Variants in KDM5B observed in about 807,000 individuals in gnomAD.
The protein encoded by KDM5B is lysine-specific demethylase 5B.
Under a neutral mutation model 193.4 loss-of-function variants are expected in KDM5B, and 144 were observed. The observed-to-expected ratio is 0.74, with a 90% confidence interval of 0.65 to 0.86. The LOEUF (loss-of-function observed/expected upper bound fraction) is 0.86. Ranked by LOEUF, KDM5B falls within the 40% of genes least tolerant of loss-of-function variation. The pLI is 0.00. For synonymous variants in KDM5B, 668 were observed against 682.6 expected (o/e 0.98, Z 0.33); for missense variants, 1,833 against 1,886.9 (o/e 0.97, Z 0.53).
intron 4 of KDM5B, among the ~76,000 whole-genome samples, chr1:202,771,713 C>T (rs1348496708): frequency 2.0e-5 from 3 of 152,124 alleles, no homozygotes; most frequent in Non-Finnish European, 4.4e-5. Context: ...TCCCAAGTAG[C>T]TGGGACTACA....
chr1:202,766,248 G>C (rs138524867), intron 5 of KDM5B: 1 of 221,990 alleles, frequency 4.5e-6, no homozygotes, highest in African/African-American at 2.4e-5. Context: ...GCTCACGCCT[G>C]TAATCCCAGC....
chr1:202,762,259 C>G (rs1480147848), intron 7 of KDM5B, among the ~76,000 whole-genome samples: 1 of 151,990 alleles, frequency 6.6e-6, no homozygotes, highest in Admixed American at 6.6e-5. Flanking sequence ...CCTCTTCCTT[C>G]TTCCTTTCTC....
chr1:202,782,863 C>T (rs1002273981), intron 1 of KDM5B, among the ~76,000 whole-genome samples: 3 of 152,170 alleles, frequency 2.0e-5, no homozygotes, highest in Non-Finnish European at 4.4e-5. Flanking sequence ...ATTTCCTTTA[C>T]TTTCAAAACT....
chr1:202,770,781 G>A (rs1349947014), intron 4 of KDM5B, among the ~76,000 whole-genome samples: 1 of 152,186 alleles, frequency 6.6e-6, no homozygotes, highest in Non-Finnish European at 1.5e-5. Flanking sequence ...CAGGTGGAAG[G>A]ATCAGGAGTG....
chr1:202,772,384 G>A (rs1387753439), intron 4 of KDM5B, among the ~76,000 whole-genome samples: 2 of 152,194 alleles, frequency 1.3e-5, no homozygotes, highest in Non-Finnish European at 2.9e-5. Flanking sequence ...CGTTAGCTAT[G>A]TAGCATTATA....
intron 13 of KDM5B, 22 bp from the exon 14 acceptor site, chr1:202,749,161 A>G (rs1655692681): frequency 2.5e-6 from 4 of 1,589,570 alleles, no homozygotes; most frequent in Admixed American, 3.6e-5. Context: ...CACGGAAAGA[A>G]AAAAATAACA....
chr1:202,745,114 GCATACAGGGGAGTAACACGTGAACA>G (rs1399943628), intron 16 of KDM5B, among the ~76,000 whole-genome samples: 1 of 152,082 alleles, frequency 6.6e-6, no homozygotes, highest in African/African-American at 2.4e-5. Flanking sequence ...ACACATGGAT[GCATACAGGGGAGTAACACGTGAACA>G]CATACAGGGG....
At chr1:202,802,242 T>C (rs962927036) in intron 1 of KDM5B, among the ~76,000 whole-genome samples, 1 of 152,174 alleles carries the variant, frequency 6.6e-6, no homozygotes, top group Non-Finnish European at 1.5e-5. Flanking sequence ...CTTTCCCTTA[T>C]CCTTTTCTAC....
chr1:202,808,055 TCCCTCCCCCAGC>T, intron 1 of KDM5B, 35 bp downstream of exon 1: 1 of 1,588,010 alleles, frequency 6.3e-7, no homozygotes, highest in East Asian at 2.3e-5. Context: ...GCGTCCCCGC[TCCCTCCCCCAGC>T]CACGAGCTGG....
intron 13 of KDM5B, among the ~76,000 whole-genome samples, chr1:202,749,414 GGGT>G (rs1456198337): frequency 1.3e-5 from 2 of 152,064 alleles, no homozygotes; most frequent in Non-Finnish European, 2.9e-5. Context: ...AACATTAGTC[GGGT>G]GTGGCGGTGC....
chr1:202,765,576 G>A (rs1235359220), intron 5 of KDM5B, among the ~76,000 whole-genome samples: 1 of 152,136 alleles, frequency 6.6e-6, no homozygotes, highest in Non-Finnish European at 1.5e-5. Flanking sequence ...AGAAAGAACT[G>A]ATTCATAGAT....
At chr1:202,779,782 G>A (rs1657118709) in intron 1 of KDM5B, among the ~76,000 whole-genome samples, 1 of 150,072 alleles carries the variant, frequency 6.7e-6, no homozygotes, top group South Asian at 2.1e-4. Flanking sequence ...CAGCCTGGGC[G>A]ACAGAGTCAG....
intron 1 of KDM5B, among the ~76,000 whole-genome samples, chr1:202,807,828 C>T (rs1384445352): frequency 1.3e-5 from 2 of 151,970 alleles, no homozygotes; most frequent in African/African-American, 4.8e-5. Flanking sequence ...CGAACCCGAA[C>T]CTCCGCACCC....
chr1:202,729,619 A>C, intron 26 of KDM5B, 88 bp downstream of exon 26: 1 of 1,112,724 alleles, frequency 9.0e-7, no homozygotes, highest in Non-Finnish European at 1.3e-6. Flanking sequence ...AGATAAGCAG[A>C]GGAGAAAGAC....
intron 1 of KDM5B, among the ~76,000 whole-genome samples, chr1:202,781,294 T>C (rs1194030474): frequency 6.6e-6 from 1 of 152,180 alleles, no homozygotes; most frequent in Non-Finnish European, 1.5e-5. Flanking sequence ...AGCACGAACC[T>C]AGCTCTAAAA....
Position 202,745,862 on chromosome 1 carries a change from C to T in KDM5B, c.2319G>A (p.Lys773=). The T allele has an allele frequency of 1.2e-6, 2 of 1,613,956 alleles. No homozygotes were observed. The highest frequency in any genetic ancestry group is 1.7e-6 in the Non-Finnish European group (2 of 1,179,880). ...NEALEAKINK[K]KSLVSFKALI... Reference sequence around the variant, plus strand: ...GTCACTTTCTGTATCACATACTTTTCTTCTTGTTGATCTTTGCCTCCAAAG... The same window carrying T: ...GTCACTTTCTGTATCACATACTTTTTTTCTTGTTGATCTTTGCCTCCAAAG... The change falls in exon 16 of 27, where the codon AAG becomes AAA. Residue 773 remains lysine, a synonymous_variant. Coordinates refer to ENST00000367265, the MANE Select transcript of KDM5B (RefSeq NM_006618.5).
intron 1 of KDM5B, among the ~76,000 whole-genome samples, chr1:202,787,821 T>C (rs1572769124): frequency 6.8e-6 from 1 of 146,514 alleles, no homozygotes; most frequent in Non-Finnish European, 1.5e-5. Flanking sequence ...ACCCGGGAGG[T>C]GGAGGTTGCA....
chr1:202,758,613 T>C, intron 8 of KDM5B, 103 bp from the exon 9 acceptor site: 1 of 934,034 alleles, frequency 1.1e-6, no homozygotes, highest in South Asian at 2.6e-5. Context: ...AATTTGTTTA[T>C]TTTACTTCTA....
At chr1:202,729,386 G>A in intron 26 of KDM5B, 1 of 628,714 alleles carries the variant, frequency 1.6e-6, no homozygotes, top group African/African-American at 1.8e-5. Flanking sequence ...GTCTGCTTTG[G>A]GGTTAAGACA....
Sources: gnomAD v4.1 joint callset for allele counts (sites outside exome capture counted in the v4.1 genomes callset) on GRCh38, gnomAD v4.1.1 for gene constraint, MANE v1.5 for transcripts, NCBI Gene and HGNC (gene_info 2026-07-23, HGNC 2026-07-21) for gene names.